Variants in BANP observed in about 807,000 individuals in gnomAD.
The protein encoded by BANP is BTG3 associated nuclear protein.
Under a neutral mutation model 68.1 loss-of-function variants are expected in BANP, and 11 were observed. The ratio of observed to expected loss-of-function variants is 0.16; its 90% CI spans 0.10 to 0.27. The LOEUF (loss-of-function observed/expected upper bound fraction) is 0.27. BANP is among the 10% of genes least tolerant of loss of function. The probability of loss-of-function intolerance (pLI) is 1.00; values close to 1 mark genes in which losing one functional copy is unlikely to be tolerated. For synonymous variants in BANP, 329 were observed against 303.2 expected (o/e 1.09, Z -0.88); for missense variants, 504 against 722.7 (o/e 0.70, Z 3.47).
Position 88,064,209 on chromosome 16 carries a change from G to T in BANP, c.1312-1058G>T, listed in dbSNP as rs535803826. Among the ~76,000 whole-genome samples the T allele has an allele frequency of 9.2e-5, 14 of 152,100 alleles. No individual in the cohort carries two copies. In the South Asian group the frequency reaches 1.2e-3, roughly 14 times the overall value. On this transcript the variant is annotated intron_variant, in intron 11 of 13. Coordinates refer to ENST00000682872, the MANE Select transcript of BANP (RefSeq NM_001386991.1). The surrounding 1 kb of genome is among the most constrained non-coding windows in gnomAD (Gnocchi z 4.5). ...GGGCTTGAGAGGCGCAGGGGAGCAGGGGGGGAGAGTGGACAGCGAGGCGGT... is the reference window on the plus strand; with the variant it reads ...GGGCTTGAGAGGCGCAGGGGAGCAGTGGGGGAGAGTGGACAGCGAGGCGGT...
intron 1 of BANP, among the ~76,000 whole-genome samples, chr16:87,958,232 T>A (rs1567575331): frequency 6.6e-6 from 1 of 152,160 alleles, no homozygotes; most frequent in South Asian, 2.1e-4. Flanking sequence ...ATTGGTCTTA[T>A]TTTGAGTGCA....
chr16:87,987,742 A>T (rs1254928914), intron 4 of BANP, among the ~76,000 whole-genome samples: 141 of 140,578 alleles, frequency 1.0e-3, no homozygotes, highest in African/African-American at 3.5e-3. Flanking sequence ...AAAAAAAAGG[A>T]TGTTATTATG....
rs546551447 is a variant in BANP, at chr16:88,072,229, G to A, written c.1521+17G>A. The A allele has an allele frequency of 9.4e-6, 15 of 1,599,280 alleles. No individual in the cohort carries two copies. Among genetic ancestry groups the A allele is most frequent in the Middle Eastern group, 2.2e-4 (1 of 4,498 alleles). On this transcript the variant is annotated intron_variant, in intron 13 of 13. Transcript: ENST00000682872. ...GGGGCACAGGTGAGTCTGGGGCCCCGCGCCGGGACACTGAAGTGATGGCAT... is the reference window on the plus strand; with the variant it reads ...GGGGCACAGGTGAGTCTGGGGCCCCACGCCGGGACACTGAAGTGATGGCAT...
intron 9 of BANP, chr16:88,035,090 C>G (rs751140757): frequency 3.8e-6 from 2 of 529,466 alleles, no homozygotes; most frequent in Non-Finnish European, 6.9e-6. Flanking sequence ...TTTCTGGCGT[C>G]CACGTGGTGG....
At chr16:88,033,753 A>G (rs1229938355) in intron 9 of BANP, among the ~76,000 whole-genome samples, 1 of 152,178 alleles carries the variant, frequency 6.6e-6, no homozygotes, top group Non-Finnish European at 1.5e-5. Context: ...CAGCAAGTCA[A>G]TGTCCTGCCT....
chr16:88,075,974 G>C (rs976647947), intron 13 of BANP, among the ~76,000 whole-genome samples: 1 of 152,226 alleles, frequency 6.6e-6, no homozygotes, highest in Non-Finnish European at 1.5e-5. Context: ...TTGAACTCCT[G>C]ACCTCAAGTG....
chr16:88,027,346 C>T, intron 7 of BANP, 137 bp from the exon 8 acceptor site: 1 of 930,274 alleles, frequency 1.1e-6, no homozygotes, highest in Non-Finnish European at 1.6e-6. Flanking sequence ...CAGACCCTTG[C>T]AGGAAGACGG....
chr16:88,015,876 G>A (rs1209541221), intron 6 of BANP, among the ~76,000 whole-genome samples: 2 of 152,270 alleles, frequency 1.3e-5, no homozygotes, highest in African/African-American at 4.8e-5. Context: ...ACATTGAGCA[G>A]CATCTGTGTG....
intron 7 of BANP, among the ~76,000 whole-genome samples, chr16:88,024,100 C>T (rs2076520761): frequency 6.6e-6 from 1 of 152,190 alleles, no homozygotes; most frequent in South Asian, 2.1e-4. Flanking sequence ...TCCGACTAGG[C>T]CTCCCAGAGC....
intron 8 of BANP, among the ~76,000 whole-genome samples, chr16:88,029,559 C>T (rs12448519): frequency 0.45 from 67,426 of 148,340 alleles, 18,779 homozygotes; most frequent in Non-Finnish European, 0.64. Flanking sequence ...TGCAGTGAGC[C>T]GAGATCACAC....
chr16:88,024,565 C>T (rs1046054158), intron 7 of BANP, among the ~76,000 whole-genome samples: 3 of 152,250 alleles, frequency 2.0e-5, no homozygotes, highest in Non-Finnish European at 2.9e-5. Flanking sequence ...TGAGGGCTGC[C>T]CAGACGTGGG....
chr16:88,024,285 C>T (rs1158161462), intron 7 of BANP, among the ~76,000 whole-genome samples: 1 of 152,178 alleles, frequency 6.6e-6, no homozygotes, highest in Admixed American at 6.6e-5. Flanking sequence ...GGCCGGTGCT[C>T]ACTCCTAACT....
At position 88,036,283 on chromosome 16, in the gene BANP, C is replaced by A. The variant is rs1003635124; in HGVS notation, c.1272+889C>A. Among the ~76,000 whole-genome samples the A allele has an allele frequency of 6.6e-6, 1 of 152,234 alleles. No individual in the cohort carries two copies. The highest frequency in any genetic ancestry group is 1.5e-5 in the Non-Finnish European group (1 of 68,042). On this transcript the variant is annotated intron_variant, in intron 10 of 13. Transcript: ENST00000682872. The surrounding 1 kb of genome is among the most constrained non-coding windows in gnomAD (Gnocchi z 4.2). ...AGTGTGTCGCTGCAAAGATCTCAGG[C>A]TTCCCCACACACACCAGCAGCAGAG... is the stretch of plus-strand genomic sequence containing the variant.
At chr16:87,985,058 C>G (rs953913882) in intron 4 of BANP, among the ~76,000 whole-genome samples, 1 of 152,026 alleles carries the variant, frequency 6.6e-6, no homozygotes, top group Admixed American at 6.5e-5. Flanking sequence ...GACATGTGGA[C>G]GCCGAGGAAT....
intron 1 of BANP, among the ~76,000 whole-genome samples, chr16:87,955,144 G>A (rs2144570688): frequency 6.6e-6 from 1 of 152,346 alleles, no homozygotes; most frequent in Non-Finnish European, 1.5e-5. Flanking sequence ...GGCCTGCAGT[G>A]AAGCAGTGGT....
chr16:88,027,340 C>T, intron 7 of BANP, 143 bp from the exon 8 acceptor site: 1 of 877,192 alleles, frequency 1.1e-6, no homozygotes, highest in South Asian at 1.7e-5. Flanking sequence ...CCTTTCCAGA[C>T]CCTTGCAGGA....
At chr16:88,065,412 A>C (rs2088251192) in intron 12 of BANP, 80 bp downstream of exon 12, 2 of 663,408 alleles carry the variant, frequency 3.0e-6, no homozygotes, top group Admixed American at 4.5e-5. Flanking sequence ...CCGCGATGAC[A>C]CTGGGCCCAC....
intron 7 of BANP, among the ~76,000 whole-genome samples, chr16:88,024,324 C>G (rs1039131991): frequency 5.3e-5 from 8 of 152,174 alleles, no homozygotes; most frequent in Non-Finnish European, 1.2e-4. Context: ...CATCACTTCT[C>G]CTTTTTCTGG....
intron 1 of BANP, among the ~76,000 whole-genome samples, chr16:87,974,593 A>G (rs2061686015): frequency 6.6e-6 from 1 of 152,200 alleles, no homozygotes; most frequent in African/African-American, 2.4e-5. Context: ...GAGGTGGCGT[A>G]TCACCACGGA....
Sources: gnomAD v4.1 joint callset for allele counts (sites outside exome capture counted in the v4.1 genomes callset) on GRCh38, gnomAD v4.1.1 for gene constraint, Gnocchi (gnomAD v3.1) non-coding constraint, MANE v1.5 for transcripts, NCBI Gene and HGNC (gene_info 2026-07-23, HGNC 2026-07-21) for gene names.